The following ASB18 variants were observed in gnomAD, a reference collection of about 807,000 sequenced individuals.
ASB18 encodes the protein ankyrin repeat and SOCS box protein 18.
A neutral mutation model predicts 33.4 loss-of-function variants in ASB18; 33 were observed. The observed-to-expected ratio is 0.99, with a 90% CI of 0.75 to 1.32. The LOEUF (loss-of-function observed/expected upper bound fraction) is 1.32. Ranked by LOEUF, ASB18 falls within the 40% of genes most tolerant of loss-of-function variation. The probability of loss-of-function intolerance (pLI) is 0.00; values close to 1 mark genes in which losing one functional copy is unlikely to be tolerated. For missense variants in ASB18, 694 were observed against 655.5 expected (o/e 1.06, Z -0.64); for synonymous variants, 295 against 307.6 (o/e 0.96, Z 0.43).
At chr2:236,201,505 T>G (rs62189442) in intron 4 of ASB18, among the ~76,000 whole-genome samples, 1 of 151,826 alleles carries the variant, frequency 6.6e-6, no homozygotes, top group African/African-American at 2.4e-5. Flanking sequence ...AGTAGTTATT[T>G]GAGAGTGTGC....
Position 236,229,046 on chromosome 2 carries a change from C to T in ASB18, c.596+8643G>A, listed in dbSNP as rs1160846560. Among the ~76,000 whole-genome samples the T allele has an allele frequency of 6.6e-6, 1 of 151,922 alleles. No individual in the cohort carries two copies. Among genetic ancestry groups the T allele is most frequent in the African/African-American group, 2.4e-5 (1 of 41,356 alleles). ...TCATTTGAAACTAGGAGTTTGAGACCATCCTGGGCAGCAAAACAAGACCCC... is the reference window on the plus strand; with the variant it reads ...TCATTTGAAACTAGGAGTTTGAGACTATCCTGGGCAGCAAAACAAGACCCC... On this transcript the variant is annotated intron_variant, in intron 3 of 5. Transcript: ENST00000409749. This position sits in a 1 kb window ranked among gnomAD's most constrained non-coding sequence, Gnocchi z 5.2.
Position 236,208,415 on chromosome 2 carries a change from T to C in ASB18, c.1101+5947A>G, listed in dbSNP as rs1227894495. Among the ~76,000 whole-genome samples the C allele has an allele frequency of 6.6e-6, 1 of 152,204 alleles. No individual in the cohort carries two copies. Among genetic ancestry groups the C allele is most frequent in the African/African-American group, 2.4e-5 (1 of 41,456 alleles). ...TTAAGAAGGACTCACGCTGGACCCCTCGGGATGGAGTCTGCTGCTATTTAT... is the reference window on the plus strand; with the variant it reads ...TTAAGAAGGACTCACGCTGGACCCCCCGGGATGGAGTCTGCTGCTATTTAT... On this transcript the variant is annotated intron_variant, in intron 4 of 5. Transcript: ENST00000409749. This position sits in a 1 kb window ranked among gnomAD's most constrained non-coding sequence, Gnocchi z 7.7.
At position 236,259,631 on chromosome 2, in the gene ASB18, G is replaced by A. The variant is rs149530033; in HGVS notation, c.205+4510C>T. On this transcript the variant is annotated intron_variant, in intron 1 of 5. Coordinates refer to ENST00000409749, the MANE Select transcript of ASB18 (RefSeq NM_212556.4). The surrounding 1 kb of genome is among the most constrained non-coding windows in gnomAD (Gnocchi z 4.4). ...AGAGGAGGTGCAGCCCTGGCTGGGA[G>A]GATCCTGTTGGGATGGGGATGCTGA... is the stretch of plus-strand genomic sequence containing the variant. The A allele has an allele frequency of 2.2e-3, 1,032 of 469,354 alleles. No homozygotes were observed. Among genetic ancestry groups the A allele is most frequent in the Non-Finnish European group, 3.9e-3 (874 of 226,080 alleles). 29.1% of individuals were successfully genotyped at this position (469,354 alleles called of 1,614,324 possible). A position where few individuals can be genotyped will look rare whatever the true frequency, so the allele number is the denominator to read the frequency against.
chr2:236,254,100 A>G (rs2060681348), intron 1 of ASB18: 1 of 152,198 alleles, frequency 6.6e-6, no homozygotes, highest in Middle Eastern at 3.2e-3. Context: ...GCAACTGCCC[A>G]ATTCTGCCAC....
chr2:236,263,153 A>G lies in ASB18; in HGVS notation c.205+988T>C, dbSNP rs186532279. ...AATCTGACAAGCTGGGAAACAGCAC[A>G]ATACAACTAAAAGTAAATCACAGGT... On this transcript the variant is annotated intron_variant, in intron 1 of 5. Coordinates refer to ENST00000409749, the MANE Select transcript of ASB18 (RefSeq NM_212556.4). The surrounding 1 kb of genome is among the most constrained non-coding windows in gnomAD (Gnocchi z 4.0). Among the ~76,000 whole-genome samples the G allele has an allele frequency of 8.3e-4, 126 of 152,366 alleles. No homozygotes were observed. Among genetic ancestry groups the G allele is most frequent in the African/African-American group, 3.0e-3 (124 of 41,594 alleles).
chr2:236,206,245 T>C (rs2060432301), intron 4 of ASB18, among the ~76,000 whole-genome samples: 1 of 152,012 alleles, frequency 6.6e-6, no homozygotes, highest in Non-Finnish European at 1.5e-5. Context: ...TTCATTATAG[T>C]GAACACTGAG....
In ASB18 at chr2:236,238,771, T is replaced by C. The variant is rs1007659069; in HGVS notation, c.329-815A>G. On this transcript the variant is annotated intron_variant, in intron 2 of 5. Coordinates refer to ENST00000409749, the MANE Select transcript of ASB18 (RefSeq NM_212556.4). This position sits in a 1 kb window ranked among gnomAD's most constrained non-coding sequence, Gnocchi z 5.2. The stretch of plus-strand genomic sequence containing the variant: ...TGGAAATGGGGGATGTAGTCCCTGG[T>C]GAATACACATCAAGGGGCAGGATTT... Among the ~76,000 whole-genome samples the C allele has an allele frequency of 6.6e-6, 1 of 152,126 alleles. No homozygotes were observed. The highest frequency in any genetic ancestry group is 6.5e-5 in the Admixed American group (1 of 15,280).
chr2:236,254,256 G>T (rs189190083), intron 1 of ASB18: 1 of 152,104 alleles, frequency 6.6e-6, no homozygotes, highest in Non-Finnish European at 1.5e-5. Flanking sequence ...GCAGCTTTGT[G>T]GGAAGAAGTG....
At position 236,211,147 on chromosome 2, in the gene ASB18, G is replaced by A. The variant is rs767876962; in HGVS notation, c.1101+3215C>T. Among the ~76,000 whole-genome samples the A allele has an allele frequency of 2.6e-5, 4 of 152,184 alleles. No individual in the cohort carries two copies. The highest frequency in any genetic ancestry group is 4.8e-5 in the African/African-American group (2 of 41,436). ...AGATGCCAAACAAGTTCAGGTCCACGTCTGTGTGTGCTTCTCTGCCTTCCT... is the reference window on the plus strand; with the variant it reads ...AGATGCCAAACAAGTTCAGGTCCACATCTGTGTGTGCTTCTCTGCCTTCCT... On this transcript the variant is annotated intron_variant, in intron 4 of 5. Coordinates refer to ENST00000409749, the MANE Select transcript of ASB18 (RefSeq NM_212556.4). The surrounding 1 kb of genome is among the most constrained non-coding windows in gnomAD (Gnocchi z 5.0).
rs34751754 is a variant in ASB18 at position 236,201,957 on chromosome 2, A to ATT, written c.1102-5574_1102-5573dup. ...CAGAATTATCTCTGCTCATTCTTTA[A>ATT]TTTTTTTTTTGAGACAGAGCCTCAC... On this transcript the variant is annotated intron_variant, in intron 4 of 5. Transcript: ENST00000409749. Among the ~76,000 whole-genome samples, 181 of 149,184 alleles carry ATT rather than the reference A, an allele frequency of 1.2e-3. 4 individuals are homozygous for ATT. The East Asian group carries it at 0.031, about 25-fold the overall frequency.
chr2:236,213,209 G>A lies in ASB18; in HGVS notation c.1101+1153C>T, dbSNP rs974558377. Among the ~76,000 whole-genome samples the A allele has an allele frequency of 6.6e-6, 1 of 151,978 alleles. No individual in the cohort carries two copies. The highest frequency in any genetic ancestry group is 1.5e-5 in the Non-Finnish European group (1 of 68,028). On this transcript the variant is annotated intron_variant, in intron 4 of 5. Transcript: ENST00000409749. This position sits in a 1 kb window ranked among gnomAD's most constrained non-coding sequence, Gnocchi z 4.8. ...CACAAGACAATTACCCAAAGAGGGG[G>A]TGAGACAGCATCGGGAAAGTGCCAT...
chr2:236,237,148 C>A lies in ASB18; in HGVS notation c.596+541G>T, dbSNP rs1219712901. ...TGGAAGCCCCGCCCGAGGAGCTAAC[C>A]ATTTATGTCACACTGTGACAATTAT... is the stretch of plus-strand genomic sequence containing the variant. On this transcript the variant is annotated intron_variant, in intron 3 of 5. Transcript: ENST00000409749. This position sits in a 1 kb window ranked among gnomAD's most constrained non-coding sequence, Gnocchi z 6.2. 6.6e-6 allele frequency among the ~76,000 whole-genome samples: 1 copy of A among 152,162 alleles called. No individual in the cohort carries two copies. The highest frequency in any genetic ancestry group is 1.9e-4 in the East Asian group (1 of 5,164).
rs551662971 is a variant in ASB18 at position 236,245,181 on chromosome 2, G to A, written c.206-3779C>T. Among the ~76,000 whole-genome samples the A allele has an allele frequency of 2.6e-5, 4 of 152,338 alleles. No individual in the cohort carries two copies. The South Asian group carries it at 8.3e-4, about 32-fold the overall frequency. ...CATGTTTATCTGACCTCTGGGCAAA[G>A]GCTCAGCTCTGGGGCTGCAGAAGGG... is the stretch of plus-strand genomic sequence containing the variant. On this transcript the variant is annotated intron_variant, in intron 1 of 5. Coordinates refer to ENST00000409749, the MANE Select transcript of ASB18 (RefSeq NM_212556.4). This position sits in a 1 kb window ranked among gnomAD's most constrained non-coding sequence, Gnocchi z 4.7.
intron 3 of ASB18, among the ~76,000 whole-genome samples, chr2:236,230,983 A>G (rs924980246): frequency 1.3e-5 from 2 of 152,176 alleles, no homozygotes; most frequent in African/African-American, 4.8e-5. Context: ...CACTTAAAAA[A>G]TAAAGACTCA....
rs1199508497 is a variant in ASB18, at chr2:236,228,022, C to T, written c.596+9667G>A. The stretch of plus-strand genomic sequence containing the variant: ...GAGTCAATATTGGTTGACCTTGGAG[C>T]TGTGTGTTTCAAAATAAATGGAATT... On this transcript the variant is annotated intron_variant, in intron 3 of 5. Coordinates refer to ENST00000409749, the MANE Select transcript of ASB18 (RefSeq NM_212556.4). The surrounding 1 kb of genome is among the most constrained non-coding windows in gnomAD (Gnocchi z 5.1). 6.6e-6 allele frequency among the ~76,000 whole-genome samples: 1 copy of T among 152,206 alleles called. No individual in the cohort carries two copies. The highest frequency in any genetic ancestry group is 1.5e-5 in the Non-Finnish European group (1 of 68,044).
intron 4 of ASB18, among the ~76,000 whole-genome samples, chr2:236,202,777 C>CAAAAAAAAAAAAA (rs34973734): frequency 7.3e-5 from 5 of 68,722 alleles, no homozygotes; most frequent in African/African-American, 2.2e-4. Flanking sequence ...GACTCCGTCT[C>CAAAAAAAAAAAAA]AAAAAAAAAA....
At position 236,262,525 on chromosome 2, in the gene ASB18, C is replaced by T. The variant is rs1350359341; in HGVS notation, c.205+1616G>A. ...TTGCCCTACCCTCACTTTCCTCCAA[C>T]TCCTATCATTAGTGGCACCCAACAG... On this transcript the variant is annotated intron_variant, in intron 1 of 5. Coordinates refer to ENST00000409749, the MANE Select transcript of ASB18 (RefSeq NM_212556.4). The surrounding 1 kb of genome is among the most constrained non-coding windows in gnomAD (Gnocchi z 5.2). Among the ~76,000 whole-genome samples the T allele has an allele frequency of 6.6e-6, 1 of 152,232 alleles. No homozygotes were observed. The highest frequency in any genetic ancestry group is 2.4e-5 in the African/African-American group (1 of 41,460).
In ASB18 at chr2:236,262,368, G is replaced by A. The variant is rs534183433; in HGVS notation, c.205+1773C>T. Among the ~76,000 whole-genome samples the A allele has an allele frequency of 4.7e-4, 71 of 152,332 alleles. 1 individual carries two copies. The highest frequency in any genetic ancestry group is 3.4e-3 in the Middle Eastern group (1 of 294). The stretch of plus-strand genomic sequence containing the variant: ...ACTTACAGGTGGCAGCAGCCACAGC[G>A]GATGGCCATTCCTAACCCTGTACCT... On this transcript the variant is annotated intron_variant, in intron 1 of 5. Coordinates refer to ENST00000409749, the MANE Select transcript of ASB18 (RefSeq NM_212556.4). The surrounding 1 kb of genome is among the most constrained non-coding windows in gnomAD (Gnocchi z 5.2).
In ASB18 at chr2:236,220,051, T is replaced by C. The variant is rs191595664; in HGVS notation, c.597-5185A>G. Among the ~76,000 whole-genome samples the C allele has an allele frequency of 9.1e-4, 139 of 152,272 alleles. No individual in the cohort carries two copies. Among genetic ancestry groups the C allele is most frequent in the African/African-American group, 3.0e-3 (126 of 41,552 alleles). On this transcript the variant is annotated intron_variant, in intron 3 of 5. Transcript: ENST00000409749. This position sits in a 1 kb window ranked among gnomAD's most constrained non-coding sequence, Gnocchi z 5.1. Reference sequence around the variant, plus strand: ...GATAATGACTGCAATGACAGGTTGTTACAGGGGCCCAGGGTTAACAGCAGA... The same window carrying C: ...GATAATGACTGCAATGACAGGTTGTCACAGGGGCCCAGGGTTAACAGCAGA...
Sources: gnomAD v4.1 joint callset for allele counts (sites outside exome capture counted in the v4.1 genomes callset) on GRCh38, gnomAD v4.1.1 for gene constraint, Gnocchi (gnomAD v3.1) non-coding constraint, MANE v1.5 for transcripts, NCBI Gene and HGNC (gene_info 2026-07-23, HGNC 2026-07-21) for gene names.